NBEA: variants seen among roughly 807,000 people sequenced by gnomAD.
NBEA encodes the protein neurobeachin, also known as lysosomal-trafficking regulator 2.
NBEA carries 44 observed loss-of-function variants against 343.4 expected under a neutral mutation model. The ratio of observed to expected loss-of-function variants is 0.13; its 90% CI spans 0.10 to 0.16. The LOEUF (loss-of-function observed/expected upper bound fraction) is 0.16. Among genes scored for constraint, NBEA ranks in the 10% least tolerant of loss-of-function variants. NBEA has a pLI of 1.00. For missense variants in NBEA, 2,555 were observed against 3,631.3 expected, an observed-to-expected ratio of 0.70 and a Z score of 7.62; for synonymous variants, 1,175 against 1,238.7, an observed-to-expected ratio of 0.95 and a Z score of 1.08.
chr13:35,661,395 G>C (rs2085083369), intron 55 of NBEA, among the ~76,000 whole-genome samples: 1 of 152,204 alleles, frequency 6.6e-6, no homozygotes, highest in South Asian at 2.1e-4. Flanking sequence ...TATCTCTGAA[G>C]AGGAAAAAGA....
intron 39 of NBEA, among the ~76,000 whole-genome samples, chr13:35,444,503 T>G (rs1379343370): frequency 6.6e-6 from 1 of 152,000 alleles, no homozygotes; most frequent in Non-Finnish European, 1.5e-5. Context: ...TCAAAATACA[T>G]TGAACAAGCT....
At chr13:34,973,926 C>T (rs2060081705) in intron 1 of NBEA, among the ~76,000 whole-genome samples, 1 of 152,190 alleles carries the variant, frequency 6.6e-6, no homozygotes, top group Non-Finnish European at 1.5e-5. Flanking sequence ...AACTCCTGGG[C>T]CCCTCTGCAT....
intron 36 of NBEA, among the ~76,000 whole-genome samples, chr13:35,346,829 A>G (rs1330174625): frequency 6.6e-6 from 1 of 152,132 alleles, no homozygotes; most frequent in Admixed American, 6.6e-5. Context: ...GATTAAATCT[A>G]TATCTGAGCA....
chr13:35,148,519 T>C (rs1383698769), intron 18 of NBEA, among the ~76,000 whole-genome samples: 2 of 152,154 alleles, frequency 1.3e-5, no homozygotes, highest in Non-Finnish European at 2.9e-5. Context: ...TCTGTCAGAA[T>C]TAATATTCAT....
chr13:34,944,925 T>C (rs1593248356), intron 1 of NBEA, among the ~76,000 whole-genome samples: 1 of 152,306 alleles, frequency 6.6e-6, no homozygotes, highest in South Asian at 2.1e-4. Flanking sequence ...AGTAGCAATG[T>C]GTGCTGAATC....
chr13:35,044,827 TATAGAGAGAGAG>T (rs1372169510), intron 2 of NBEA, 108 bp from the exon 3 acceptor site: 1 of 505,810 alleles, frequency 2.0e-6, no homozygotes, highest in Non-Finnish European at 3.5e-6. Flanking sequence ...TATATATATA[TATAGAGAGAGAG>T]AGAGAGAGAG....
At chr13:35,179,532 A>T (rs982162471) in intron 28 of NBEA, among the ~76,000 whole-genome samples, 1 of 150,354 alleles carries the variant, frequency 6.7e-6, no homozygotes, top group East Asian at 1.9e-4. Flanking sequence ...GATCTGGGTT[A>T]AAAAAAAATA....
intron 20 of NBEA, 98 bp from the exon 21 acceptor site, chr13:35,156,980 A>T (rs1593542523): frequency 1.0e-6 from 1 of 1,003,866 alleles, no homozygotes; most frequent in East Asian, 2.6e-5. Context: ...TACTGAGGTC[A>T]GATCATATTT....
chr13:35,512,965 G>C (rs950497649), intron 41 of NBEA, among the ~76,000 whole-genome samples: 33 of 152,074 alleles, frequency 2.2e-4, no homozygotes, highest in Non-Finnish European at 3.1e-4. Context: ...TGTAAGCCTT[G>C]AAACTCAGTG....
At chr13:35,416,793 A>G (rs2043940349) in intron 38 of NBEA, among the ~76,000 whole-genome samples, 1 of 152,028 alleles carries the variant, frequency 6.6e-6, no homozygotes, top group Admixed American at 6.6e-5. Flanking sequence ...TATTGATTGG[A>G]ATAGTTTCAG....
intron 1 of NBEA, among the ~76,000 whole-genome samples, chr13:34,944,540 CAG>C (rs2059130656): frequency 6.6e-6 from 1 of 151,962 alleles, no homozygotes; most frequent in Admixed American, 6.5e-5. Flanking sequence ...CATGAAAAGT[CAG>C]TGTAAGTTTG....
chr13:35,178,980 G>A (rs563993705), intron 28 of NBEA, among the ~76,000 whole-genome samples: 9 of 151,540 alleles, frequency 5.9e-5, no homozygotes, highest in Admixed American at 2.6e-4. Context: ...ATAACATACC[G>A]GAGGAGTTTC....
intron 1 of NBEA, among the ~76,000 whole-genome samples, chr13:35,018,410 T>G (rs1430068772): frequency 6.6e-6 from 1 of 152,178 alleles, no homozygotes; most frequent in Non-Finnish European, 1.5e-5. Flanking sequence ...TGTTATTATT[T>G]TTTAATCTTA....
intron 30 of NBEA, among the ~76,000 whole-genome samples, chr13:35,186,995 GTT>G (rs1262441212): frequency 1.3e-5 from 2 of 151,724 alleles, no homozygotes; most frequent in African/African-American, 4.8e-5. Context: ...ACAAAACAAA[GTT>G]TTAAAAGTTT....
chr13:35,229,342 T>C (rs2074840984), intron 33 of NBEA, among the ~76,000 whole-genome samples: 1 of 152,120 alleles, frequency 6.6e-6, no homozygotes, highest in Admixed American at 6.6e-5. Context: ...TAAATGAATG[T>C]TTTTGAATAA....
chr13:35,616,476 G>A (rs728993), intron 48 of NBEA, among the ~76,000 whole-genome samples: 34,700 of 152,008 alleles, frequency 0.23, 4,172 homozygotes, highest in African/African-American at 0.25. Flanking sequence ...ACTCTGGTCT[G>A]TCTCAGTACA....
intron 39 of NBEA, among the ~76,000 whole-genome samples, chr13:35,448,474 C>T (rs74041744): frequency 0.29 from 44,302 of 151,988 alleles, 7,529 homozygotes; most frequent in African/African-American, 0.46. Context: ...TTCTGAGATA[C>T]CCTGGGAACT....
intron 1 of NBEA, among the ~76,000 whole-genome samples, chr13:35,038,534 T>C (rs1013573073): frequency 1.1e-4 from 16 of 151,954 alleles, no homozygotes; most frequent in African/African-American, 3.9e-4. Flanking sequence ...TACCTTGGTA[T>C]CACTGCTGGT....
At chr13:35,338,235 C>T (rs1395867491) in intron 36 of NBEA, among the ~76,000 whole-genome samples, 3 of 151,468 alleles carry the variant, frequency 2.0e-5, no homozygotes, top group African/African-American at 7.3e-5. Flanking sequence ...AGAAAGAAGA[C>T]TCAAATCACT....
Sources: gnomAD v4.1 joint callset for allele counts (sites outside exome capture counted in the v4.1 genomes callset) on GRCh38, gnomAD v4.1.1 for gene constraint, MANE v1.5 for transcripts, NCBI Gene and HGNC (gene_info 2026-07-23, HGNC 2026-07-21) for gene names.